MACROD2: variants seen among roughly 807,000 people sequenced by gnomAD.
MACROD2 encodes the protein ADP-ribose glycohydrolase MACROD2.
MACROD2 carries 36 observed loss-of-function variants against 70.4 expected under a neutral mutation model. The ratio of observed to expected loss-of-function variants is 0.51; its 90% CI spans 0.39 to 0.68. The LOEUF (loss-of-function observed/expected upper bound fraction) is 0.68. MACROD2 is among the 30% of genes least tolerant of loss of function. The probability of loss-of-function intolerance (pLI) is 0.00; values close to 1 mark genes in which losing one functional copy is unlikely to be tolerated. For missense variants in MACROD2, 496 were observed against 538.4 expected, an observed-to-expected ratio of 0.92 and a Z score of 0.78; for synonymous variants, 172 against 178.8, an observed-to-expected ratio of 0.96 and a Z score of 0.30.
At chr20:14,958,537 A>G (rs1216933086) in intron 5 of MACROD2, among the ~76,000 whole-genome samples, 2 of 152,288 alleles carry the variant, frequency 1.3e-5, no homozygotes, top group Middle Eastern at 3.4e-3. Flanking sequence ...ATTCCTGTCC[A>G]AGGGCCAAGG....
At chr20:14,319,057 G>T (rs2082636816) in intron 3 of MACROD2, among the ~76,000 whole-genome samples, 1 of 152,188 alleles carries the variant, frequency 6.6e-6, no homozygotes, top group Admixed American at 6.5e-5. Context: ...AAACATGAAA[G>T]ATGTGACTAT....
In MACROD2 at chr20:14,326,927, A is replaced by T; in HGVS notation, c.272-166552A>T. ...TTTAGACTAGTGAGACCTTGAAGAG[A>T]TGGTGATGAAATAGTGGATATGCGA... On this transcript the variant is annotated intron_variant, in intron 3 of 17. Coordinates refer to ENST00000684519, the MANE Select transcript of MACROD2 (RefSeq NM_001351661.2). This position sits in a 1 kb window ranked among gnomAD's most constrained non-coding sequence, Gnocchi z 5.5. 1 of 1,613,760 alleles carries T rather than the reference A, an allele frequency of 6.2e-7. No individual in the cohort carries two copies. Among genetic ancestry groups the T allele is most frequent in the Non-Finnish European group, 8.5e-7 (1 of 1,179,786 alleles).
Position 14,708,100 on chromosome 20 carries a change from C to CTAA in MACROD2, c.418+23142_418+23144dup, listed in dbSNP as rs145528830. Among the ~76,000 whole-genome samples the CTAA allele has an allele frequency of 5.4e-3, 829 of 152,278 alleles. 10 individuals carry two copies. The highest frequency in any genetic ancestry group is 0.019 in the African/African-American group (802 of 41,538). On this transcript the variant is annotated intron_variant, in intron 5 of 17. Transcript: ENST00000684519. Reference sequence around the variant, plus strand: ...ATAGTGACTAACTCACAGGATTGTTCTAAGGATAATATGAGATGATGTGTA... The same window carrying CTAA: ...ATAGTGACTAACTCACAGGATTGTTCTAATAAGGATAATATGAGATGATGTGTA...
chr20:15,124,350 G>GTT (rs10661683), intron 5 of MACROD2, among the ~76,000 whole-genome samples: 47,906 of 144,046 alleles, frequency 0.33, 8,280 homozygotes, highest in East Asian at 0.57. Flanking sequence ...TAATTTCCTA[G>GTT]TTTTTTTTTT....
At chr20:15,063,375 G>C (rs190057743) in intron 5 of MACROD2, among the ~76,000 whole-genome samples, 1 of 151,948 alleles carries the variant, frequency 6.6e-6, no homozygotes, top group East Asian at 1.9e-4. Flanking sequence ...ACCACACTCT[G>C]TGAGGGTCAT....
intron 4 of MACROD2, among the ~76,000 whole-genome samples, chr20:14,674,510 AG>A (rs1365534541): frequency 6.6e-6 from 1 of 152,144 alleles, no homozygotes; most frequent in Non-Finnish European, 1.5e-5. Context: ...AGGTCCTATG[AG>A]GGATCCCATT....
intron 8 of MACROD2, among the ~76,000 whole-genome samples, chr20:15,545,600 G>A (rs927611617): frequency 6.6e-6 from 1 of 152,132 alleles, no homozygotes; most frequent in African/African-American, 2.4e-5. Flanking sequence ...TTGGCCATAT[G>A]TAGTAGTGGA....
intron 1 of MACROD2, among the ~76,000 whole-genome samples, chr20:13,997,959 G>A (rs909174807): frequency 2.6e-5 from 4 of 152,062 alleles, no homozygotes; most frequent in Non-Finnish European, 4.4e-5. Context: ...CCACTGGGAA[G>A]CTGATGGTAT....
At chr20:14,988,391 A>C (rs1049117003) in intron 5 of MACROD2, among the ~76,000 whole-genome samples, 1 of 151,592 alleles carries the variant, frequency 6.6e-6, no homozygotes, top group African/African-American at 2.4e-5. Flanking sequence ...ATAAATATCA[A>C]TATCAAGTCC....
intron 15 of MACROD2, among the ~76,000 whole-genome samples, chr20:15,990,633 A>G (rs151322855): frequency 6.6e-6 from 1 of 152,306 alleles, no homozygotes; most frequent in East Asian, 1.9e-4. Flanking sequence ...TTAGAAAAAG[A>G]TGCATATGGG....
At chr20:15,787,074 C>T (rs1053260251) in intron 8 of MACROD2, among the ~76,000 whole-genome samples, 36 of 152,168 alleles carry the variant, frequency 2.4e-4, no homozygotes, top group Admixed American at 7.8e-4. Flanking sequence ...CTGGTTCAAA[C>T]GATTCTCCTG....
chr20:14,863,662 A>G (rs1278962099), intron 5 of MACROD2, among the ~76,000 whole-genome samples: 1 of 152,128 alleles, frequency 6.6e-6, no homozygotes, highest in South Asian at 2.1e-4. Context: ...CATTAATATC[A>G]TGCATAGAGA....
intron 5 of MACROD2, among the ~76,000 whole-genome samples, chr20:15,155,948 T>C (rs1039948002): frequency 1.3e-5 from 2 of 152,204 alleles, no homozygotes; most frequent in African/African-American, 4.8e-5. Flanking sequence ...TTACCAGCAA[T>C]GCTAGTCAAC....
At chr20:15,495,197 G>A (rs145930961) in intron 7 of MACROD2, among the ~76,000 whole-genome samples, 38 of 152,304 alleles carry the variant, frequency 2.5e-4, no homozygotes, top group African/African-American at 8.9e-4. Context: ...TTTTCTCTTG[G>A]AAGTCCATCC....
At chr20:15,255,175 A>C (rs2146034299) in intron 6 of MACROD2, among the ~76,000 whole-genome samples, 1 of 152,194 alleles carries the variant, frequency 6.6e-6, no homozygotes, top group African/African-American at 2.4e-5. Context: ...AGATTACATT[A>C]ACTCAGTCAT....
chr20:14,056,659 T>C (rs2053633894), intron 2 of MACROD2, among the ~76,000 whole-genome samples: 1 of 151,976 alleles, frequency 6.6e-6, no homozygotes, highest in Non-Finnish European at 1.5e-5. Context: ...TTATTTTCCA[T>C]TTTTAGTATA....
intron 17 of MACROD2, among the ~76,000 whole-genome samples, chr20:16,049,319 T>A (rs890350541): frequency 5.3e-5 from 8 of 152,076 alleles, no homozygotes; most frequent in African/African-American, 1.9e-4. Flanking sequence ...CTAAAAAAAA[T>A]AAAGAGTATA....
At chr20:14,733,656 T>G (rs2123706712) in intron 5 of MACROD2, among the ~76,000 whole-genome samples, 1 of 152,324 alleles carries the variant, frequency 6.6e-6, no homozygotes, top group South Asian at 2.1e-4. Context: ...GGCATCTGCA[T>G]TTTACATTTG....
At chr20:15,328,569 A>G (rs555365970) in intron 6 of MACROD2, among the ~76,000 whole-genome samples, 1 of 152,246 alleles carries the variant, frequency 6.6e-6, no homozygotes, top group South Asian at 2.1e-4. Flanking sequence ...AGAGTCACCA[A>G]ACATGACCTG....
Sources: allele counts gnomAD v4.1 joint callset (sites outside exome capture counted in the v4.1 genomes callset), GRCh38; gene constraint gnomAD v4.1.1; non-coding constraint Gnocchi (gnomAD v3.1); transcripts MANE v1.5; gene names NCBI Gene and HGNC (gene_info 2026-07-23, HGNC 2026-07-21).